TNPO1: variants seen among roughly 807,000 people sequenced by gnomAD.
TNPO1 encodes transportin 1.
A neutral mutation model predicts 119.5 loss-of-function variants in TNPO1; 8 were observed. That is an observed-to-expected ratio of 0.07 (90% CI 0.04 to 0.12). The LOEUF is 0.12. TNPO1 is among the 10% of genes least tolerant of loss of function. The pLI, the probability that TNPO1 is intolerant of heterozygous loss-of-function variation, is 1.00. For synonymous variants in TNPO1, 362 were observed against 363.0 expected, an observed-to-expected ratio of 1.00 and a Z score of 0.03; for missense variants, 576 against 1,089.8, an observed-to-expected ratio of 0.53 and a Z score of 6.64.
chr5:72,821,431 T>C (rs970428682), intron 1 of TNPO1, among the ~76,000 whole-genome samples: 3 of 152,292 alleles, frequency 2.0e-5, no homozygotes, highest in African/African-American at 7.2e-5. Context: ...TAGGAATAGG[T>C]GGTATCCAAC....
intron 2 of TNPO1, among the ~76,000 whole-genome samples, chr5:72,848,841 G>A (rs919732621): frequency 4.7e-5 from 7 of 150,440 alleles, no homozygotes; most frequent in Non-Finnish European, 8.9e-5. Flanking sequence ...CTGACCTGCC[G>A]CGGGGGTAGG....
chr5:72,845,138 A>G (rs1745076156), intron 1 of TNPO1, among the ~76,000 whole-genome samples: 1 of 150,326 alleles, frequency 6.7e-6, no homozygotes, highest in Admixed American at 6.7e-5. Flanking sequence ...TAAAGTTAAT[A>G]TTAGTGTAGT....
intron 1 of TNPO1, among the ~76,000 whole-genome samples, chr5:72,817,115 G>C (rs530737620): frequency 2.6e-5 from 4 of 152,198 alleles, no homozygotes; most frequent in Non-Finnish European, 5.9e-5. Flanking sequence ...TGCTGCAGTC[G>C]GCTGCCCCGG....
chr5:72,840,751 A>G (rs984488191), intron 1 of TNPO1, among the ~76,000 whole-genome samples: 9 of 152,198 alleles, frequency 5.9e-5, no homozygotes, highest in Admixed American at 5.9e-4. Flanking sequence ...ATGTCTAGTC[A>G]TCTTCAAAGT....
At chr5:72,887,330 T>C in intron 12 of TNPO1, 108 bp downstream of exon 12, 1 of 1,268,760 alleles carries the variant, frequency 7.9e-7, no homozygotes, top group Admixed American at 2.3e-5. Context: ...AGATAACTAG[T>C]ATTAAACAGC....
At chr5:72,883,267 TTGA>T (rs1168565857) in intron 11 of TNPO1, 35 bp downstream of exon 11, 4 of 974,384 alleles carry the variant, frequency 4.1e-6, no homozygotes, top group South Asian at 1.3e-5. Context: ...GTTGCCTACT[TTGA>T]TGATAACTTT....
chr5:72,889,232 A>G (rs536971995), intron 13 of TNPO1, among the ~76,000 whole-genome samples: 10 of 151,874 alleles, frequency 6.6e-5, no homozygotes, highest in Admixed American at 1.3e-4. Context: ...TAATTTTTGT[A>G]TTTTTAGTAG....
chr5:72,857,502 T>G (rs1746096243), intron 4 of TNPO1, among the ~76,000 whole-genome samples: 1 of 152,194 alleles, frequency 6.6e-6, no homozygotes, highest in African/African-American at 2.4e-5. Context: ...CTCCCTAGAT[T>G]ACTCTAATGT....
At chr5:72,844,027 C>T (rs1275399690) in intron 1 of TNPO1, among the ~76,000 whole-genome samples, 1 of 152,192 alleles carries the variant, frequency 6.6e-6, no homozygotes, top group Non-Finnish European at 1.5e-5. Context: ...AATAGTTACT[C>T]AGTTGAATTA....
At chr5:72,826,816 A>G (rs1340342433) in intron 1 of TNPO1, among the ~76,000 whole-genome samples, 1 of 152,238 alleles carries the variant, frequency 6.6e-6, no homozygotes, top group Non-Finnish European at 1.5e-5. Flanking sequence ...AACCAAATGC[A>G]TACTAAAGTA....
At chr5:72,830,779 A>G (rs928570239) in intron 1 of TNPO1, among the ~76,000 whole-genome samples, 1 of 152,136 alleles carries the variant, frequency 6.6e-6, no homozygotes, top group African/African-American at 2.4e-5. Flanking sequence ...GTGTCTCTCA[A>G]CCCTCCTCCA....
intron 22 of TNPO1, among the ~76,000 whole-genome samples, chr5:72,903,385 AAG>A (rs1043771845): frequency 2.6e-5 from 4 of 152,172 alleles, no homozygotes; most frequent in African/African-American, 9.7e-5. Context: ...CGGTAAATGA[AAG>A]AGTATTTTTA....
At chr5:72,894,443 G>A (rs1345711611) in intron 18 of TNPO1, among the ~76,000 whole-genome samples, 2 of 152,292 alleles carry the variant, frequency 1.3e-5, no homozygotes, top group African/African-American at 4.8e-5. Context: ...AGGCCAAGGC[G>A]GGCAGGTCAC....
chr5:72,850,238 G>A (rs1745441912), intron 2 of TNPO1, among the ~76,000 whole-genome samples: 1 of 152,104 alleles, frequency 6.6e-6, no homozygotes, highest in Non-Finnish European at 1.5e-5. Flanking sequence ...GTTGTAAAAA[G>A]GTAAACTTTA....
intron 18 of TNPO1, among the ~76,000 whole-genome samples, chr5:72,895,157 T>C (rs1363585823): frequency 6.6e-6 from 1 of 152,238 alleles, no homozygotes; most frequent in Non-Finnish European, 1.5e-5. Flanking sequence ...CCATGTTTTT[T>C]ATTCTAAAGA....
At chr5:72,817,008 G>C in intron 1 of TNPO1, 2 of 481,052 alleles carry the variant, frequency 4.2e-6, no homozygotes, top group Non-Finnish European at 7.3e-6. Context: ...CGTTAGGGGC[G>C]GCAGGAGCCC....
At position 72,893,183 on chromosome 5, in the gene TNPO1, G is replaced by A. The variant is rs201435357; in HGVS notation, c.1833G>A (p.Pro611=). 3.2e-5 allele frequency: 51 copies of A among 1,614,120 alleles called. No individual in the cohort carries two copies. The East Asian group carries it at 8.2e-4, about 26-fold the overall frequency. The part of the protein sequence containing the change: ...VATALQSGFL[P]YCEPVYQRCV... The stretch of plus-strand genomic sequence containing the variant: ...CAGCACTGCAGTCTGGATTCCTTCC[G>A]TACTGTGAACCTGTGTATCAGCGTT... The change falls in exon 16 of 25, where the codon CCG becomes CCA. Residue 611 remains proline (P), a synonymous_variant. Coordinates refer to ENST00000337273, the MANE Select transcript of TNPO1 (RefSeq NM_002270.4).
intron 15 of TNPO1, 77 bp from the exon 16 acceptor site, chr5:72,893,062 T>A: frequency 9.2e-7 from 1 of 1,083,092 alleles, no homozygotes; most frequent in Middle Eastern, 2.4e-4. Context: ...CAGGATCCTG[T>A]TGAGCGCAGT....
At chr5:72,895,968 A>G (rs1299378737) in intron 18 of TNPO1, among the ~76,000 whole-genome samples, 1 of 152,184 alleles carries the variant, frequency 6.6e-6, no homozygotes, top group Non-Finnish European at 1.5e-5. Context: ...AAGATAGTCC[A>G]CTTATTTTGC....
Sources: allele counts gnomAD v4.1 joint callset (sites outside exome capture counted in the v4.1 genomes callset), GRCh38; gene constraint gnomAD v4.1.1; transcripts MANE v1.5; gene names NCBI Gene and HGNC (gene_info 2026-07-23, HGNC 2026-07-21).